The following H2BC14 variants were observed in gnomAD, a reference collection of about 807,000 sequenced individuals.
H2BC14 encodes the protein H2B clustered histone 14.
Under a neutral mutation model 6.3 loss-of-function variants are expected in H2BC14, and 17 were observed. The ratio of observed to expected loss-of-function variants is 2.70; its 90% CI spans 1.84 to 4.04. H2BC14 has a LOEUF of 4.04. Ranked by LOEUF, H2BC14 falls within the 30% of genes most tolerant of loss-of-function variation. The pLI is 0.00. For synonymous variants in H2BC14, 131 were observed against 69.0 expected, an observed-to-expected ratio of 1.90 and a Z score of -4.45; for missense variants, 235 against 165.1, an observed-to-expected ratio of 1.42 and a Z score of -2.32.
Position 27,815,415 on chromosome 6 carries a change from C to T in H2BC14, c.372C>T (p.Ser124=), listed in dbSNP as rs1760650302. The T allele has an allele frequency of 6.2e-7, 1 of 1,614,122 alleles. No individual in the cohort carries two copies. Among genetic ancestry groups the T allele is most frequent in the African/African-American group, 1.3e-5 (1 of 75,062 alleles). ...EGTKAVTKYT[S]SK ...CCAAGGCCGTCACCAAGTATACCAG[C>T]TCCAAGTGAGCCTCTCGCTGCAGTA... Residue 124 remains serine, a synonymous_variant, in exon 1 of 1, where the codon AGC becomes AGT. Coordinates refer to ENST00000621112, the MANE Select transcript of H2BC14 (RefSeq NM_003521.3).
rs1196870879 is a variant in H2BC14 at position 27,815,192 on chromosome 6, A to G, written c.149A>G (p.His50Arg). ...GTGTACAAGGTGCTGAAGCAGGTCC[A>G]CCCCGACACCGGCATCTCTTCCAAG... ...VYVYKVLKQV[H>R]PDTGISSKAM... Residue 50 changes from histidine to arginine, a missense_variant, in exon 1 of 1, where the codon CAC becomes CGC. Physicochemically the swap from His to Arg is conservative, Grantham distance 29. Coordinates refer to ENST00000621112, the MANE Select transcript of H2BC14 (RefSeq NM_003521.3). 2 of 1,614,046 alleles carry G rather than the reference A, an allele frequency of 1.2e-6. No homozygotes were observed. Among genetic ancestry groups the G allele is most frequent in the Admixed American group, 1.7e-5 (1 of 60,000 alleles).
At position 27,815,253 on chromosome 6, in the gene H2BC14, C is replaced by T. The variant is rs568809619; in HGVS notation, c.210C>T (p.Ile70=). Residue 70 remains isoleucine (I), a synonymous_variant, in exon 1 of 1, where the codon ATC becomes ATT. Transcript: ENST00000621112. ...TCATGAACTCCTTCGTCAACGACAT[C>T]TTTGAGCGTATCGCCGGAGAAGCGT... ...MGIMNSFVND[I]FERIAGEASR... 2 of 1,614,252 alleles carry T rather than the reference C, an allele frequency of 1.2e-6. No homozygotes were observed. The highest frequency in any genetic ancestry group is 1.3e-5 in the African/African-American group (1 of 75,062).
chr6:27,815,485 G>C lies in H2BC14; in HGVS notation c.*61G>C. ...CACCCCAAAGGCTCTTTTCAGAGCCGTCCACGTTTCTCAAGAAAGAGCCAG... is the reference window on the plus strand; with the variant it reads ...CACCCCAAAGGCTCTTTTCAGAGCCCTCCACGTTTCTCAAGAAAGAGCCAG... On this transcript the variant is annotated 3_prime_UTR_variant, in exon 1 of 1. Coordinates refer to ENST00000621112, the MANE Select transcript of H2BC14 (RefSeq NM_003521.3). 6.4e-7 allele frequency: 1 copy of C among 1,569,746 alleles called. No homozygotes were observed. The highest frequency in any genetic ancestry group is 8.6e-7 in the Non-Finnish European group (1 of 1,161,846).
Position 27,815,442 on chromosome 6 carries a change from C to T in H2BC14, c.*18C>T. ...CCAAGTGAGCCTCTCGCTGCAGTAA[C>T]AGTTCCGCCGTGACCCACACCCCAA... On this transcript the variant is annotated 3_prime_UTR_variant, in exon 1 of 1. Coordinates refer to ENST00000621112, the MANE Select transcript of H2BC14 (RefSeq NM_003521.3). The T allele has an allele frequency of 6.2e-7, 1 of 1,613,142 alleles. No homozygotes were observed. The highest frequency in any genetic ancestry group is 8.5e-7 in the Non-Finnish European group (1 of 1,179,638).
At position 27,815,478 on chromosome 6, in the gene H2BC14, C is replaced by T. The variant is rs540946514; in HGVS notation, c.*54C>T. On this transcript the variant is annotated 3_prime_UTR_variant, in exon 1 of 1. Coordinates refer to ENST00000621112, the MANE Select transcript of H2BC14 (RefSeq NM_003521.3). ...TGACCCACACCCCAAAGGCTCTTTTCAGAGCCGTCCACGTTTCTCAAGAAA... is the reference window on the plus strand; with the variant it reads ...TGACCCACACCCCAAAGGCTCTTTTTAGAGCCGTCCACGTTTCTCAAGAAA... The T allele has an allele frequency of 1.2e-4, 192 of 1,584,334 alleles. 1 individual carries two copies. In the South Asian group the frequency reaches 2.1e-3, roughly 18 times the overall value.
chr6:27,815,362 T>C lies in H2BC14; in HGVS notation c.319T>C (p.Leu107=), dbSNP rs1488329506. Residue 107 remains leucine (L), a synonymous_variant, in exon 1 of 1, where the codon TTG becomes CTG. Transcript: ENST00000621112. The part of the protein sequence containing the change: ...TAVRLLLPGE[L]AKHAVSEGTK... ...CGTGCGCCTACTGCTACCCGGGGAA[T>C]TGGCCAAGCACGCCGTGTCCGAGGG... 5 of 1,614,122 alleles carry C rather than the reference T, an allele frequency of 3.1e-6. No homozygotes were observed. The highest frequency in any genetic ancestry group is 1.1e-5 in the South Asian group (1 of 91,082).
In H2BC14 at chr6:27,815,481, A is replaced by T. The variant is rs1051668538; in HGVS notation, c.*57A>T. 1 of 1,581,830 alleles carries T rather than the reference A, an allele frequency of 6.3e-7. No individual in the cohort carries two copies. Among genetic ancestry groups the T allele is most frequent in the African/African-American group, 1.4e-5 (1 of 73,396 alleles). Reference sequence around the variant, plus strand: ...CCCACACCCCAAAGGCTCTTTTCAGAGCCGTCCACGTTTCTCAAGAAAGAG... The same window carrying T: ...CCCACACCCCAAAGGCTCTTTTCAGTGCCGTCCACGTTTCTCAAGAAAGAG... On this transcript the variant is annotated 3_prime_UTR_variant, in exon 1 of 1. Coordinates refer to ENST00000621112, the MANE Select transcript of H2BC14 (RefSeq NM_003521.3).
rs936397965 is a variant in H2BC14 at position 27,815,451 on chromosome 6, C to T, written c.*27C>T. The T allele has an allele frequency of 2.5e-6, 4 of 1,611,592 alleles. No individual in the cohort carries two copies. Among genetic ancestry groups the T allele is most frequent in the African/African-American group, 2.7e-5 (2 of 74,804 alleles). On this transcript the variant is annotated 3_prime_UTR_variant, in exon 1 of 1. Transcript: ENST00000621112. ...CCTCTCGCTGCAGTAACAGTTCCGC[C>T]GTGACCCACACCCCAAAGGCTCTTT...
rs146702958 is a variant in H2BC14, at chr6:27,815,235, C to T, written c.192C>T (p.Asn64=). 2.5e-4 allele frequency: 409 copies of T among 1,614,148 alleles called. No homozygotes were observed. Among genetic ancestry groups the T allele is most frequent in the Non-Finnish European group, 3.3e-4 (390 of 1,180,052 alleles). ...CTTCCAAGGCTATGGGAATCATGAACTCCTTCGTCAACGACATCTTTGAGC... is the reference window on the plus strand; with the variant it reads ...CTTCCAAGGCTATGGGAATCATGAATTCCTTCGTCAACGACATCTTTGAGC... ...GISSKAMGIM[N]SFVNDIFERI... is the part of the protein sequence containing the mutation. The change falls in exon 1 of 1, where the codon AAC becomes AAT. Residue 64 remains asparagine (N), a synonymous_variant. Coordinates refer to ENST00000621112, the MANE Select transcript of H2BC14 (RefSeq NM_003521.3).
Position 27,815,063 on chromosome 6 carries a change from C to T in H2BC14, c.20C>T (p.Ser7Phe), listed in dbSNP as rs757748672. Residue 7 changes from serine (S) to phenylalanine (F), a missense_variant, in exon 1 of 1, where the codon TCT becomes TTT. Transcript: ENST00000621112. ...TCCACCATGCCTGAACCAGTCAAAT[C>T]TGCTCCAGTCCCTAAAAAAGGCTCC... MPEPVK[S>F]APVPKKGSKK... The T allele has an allele frequency of 1.9e-6, 3 of 1,611,700 alleles. No individual in the cohort carries two copies. Among genetic ancestry groups the T allele is most frequent in the Non-Finnish European group, 2.5e-6 (3 of 1,178,862 alleles).
In H2BC14 at chr6:27,815,155, T is replaced by A; in HGVS notation, c.112T>A (p.Tyr38Asn). The change falls in exon 1 of 1, where the codon TAC becomes AAC. Residue 38 changes from tyrosine to asparagine, a missense_variant. Transcript: ENST00000621112. The part of the protein sequence containing the change: ...KKRKRSRKES[Y>N]SVYVYKVLKQ... ...GCGCAAACGCAGCCGCAAGGAGAGC[T>A]ACTCTGTGTATGTGTACAAGGTGCT... The A allele has an allele frequency of 6.2e-7, 1 of 1,614,218 alleles. No individual in the cohort carries two copies. The highest frequency in any genetic ancestry group is 8.5e-7 in the Non-Finnish European group (1 of 1,180,034).
At position 27,815,033 on chromosome 6, in the gene H2BC14, T is replaced by TAA. The variant is rs761536143; in HGVS notation, c.-11_-10insAA. ...ACAGCCCTAAGGTTGTCTTTTATTT[T>TAA]GTTTTCCACCATGCCTGAACCAGTC... On this transcript the variant is annotated 5_prime_UTR_variant, in exon 1 of 1. Coordinates refer to ENST00000621112, the MANE Select transcript of H2BC14 (RefSeq NM_003521.3). The TAA allele has an allele frequency of 5.0e-5, 79 of 1,575,664 alleles. No homozygotes were observed. The highest frequency in any genetic ancestry group is 6.6e-5 in the Non-Finnish European group (77 of 1,165,824).
In H2BC14 at chr6:27,815,350, C is replaced by T. The variant is rs576930501; in HGVS notation, c.307C>T (p.Leu103=). The change falls in exon 1 of 1, where the codon CTA becomes TTA. Residue 103 remains leucine (L), a synonymous_variant. Coordinates refer to ENST00000621112, the MANE Select transcript of H2BC14 (RefSeq NM_003521.3). Reference sequence around the variant, plus strand: ...GATCCAGACGGCCGTGCGCCTACTGCTACCCGGGGAATTGGCCAAGCACGC... The same window carrying T: ...GATCCAGACGGCCGTGCGCCTACTGTTACCCGGGGAATTGGCCAAGCACGC... ...REIQTAVRLL[L]PGELAKHAVS... is the part of the protein sequence containing the mutation. The T allele has an allele frequency of 3.1e-6, 5 of 1,614,238 alleles. No homozygotes were observed. The highest frequency in any genetic ancestry group is 2.2e-5 in the East Asian group (1 of 44,890).
Position 27,815,131 on chromosome 6 carries a change from C to A in H2BC14, c.88C>A (p.Arg30Ser), listed in dbSNP as rs761877155. 6.2e-7 allele frequency: 1 copy of A among 1,614,196 alleles called. No individual in the cohort carries two copies. The highest frequency in any genetic ancestry group is 8.5e-7 in the Non-Finnish European group (1 of 1,180,042). Residue 30 changes from arginine (R) to serine (S), a missense_variant, in exon 1 of 1, where the codon CGC becomes AGC. Transcript: ENST00000621112. ...GGCTCAGAAGAAGGATGGAAAGAAGCGCAAACGCAGCCGCAAGGAGAGCTA... is the reference window on the plus strand; with the variant it reads ...GGCTCAGAAGAAGGATGGAAAGAAGAGCAAACGCAGCCGCAAGGAGAGCTA... ...NKAQKKDGKK[R>S]KRSRKESYSV...
rs937693151 is a variant in H2BC14 at position 27,815,069 on chromosome 6, C to T, written c.26C>T (p.Pro9Leu). 1.9e-6 allele frequency: 3 copies of T among 1,612,740 alleles called. No individual in the cohort carries two copies. The highest frequency in any genetic ancestry group is 2.5e-6 in the Non-Finnish European group (3 of 1,179,406). ...ATGCCTGAACCAGTCAAATCTGCTC[C>T]AGTCCCTAAAAAAGGCTCCAAGAAG... MPEPVKSA[P>L]VPKKGSKKAI... Residue 9 changes from proline to leucine, a missense_variant, in exon 1 of 1, where the codon CCA becomes CTA. Physicochemically the swap from Pro to Leu is moderately conservative, Grantham distance 98. Coordinates refer to ENST00000621112, the MANE Select transcript of H2BC14 (RefSeq NM_003521.3).
Position 27,815,383 on chromosome 6 carries a change from G to T in H2BC14, c.340G>T (p.Glu114Ter). 6.2e-7 allele frequency: 1 copy of T among 1,614,160 alleles called. No individual in the cohort carries two copies. The highest frequency in any genetic ancestry group is 8.5e-7 in the Non-Finnish European group (1 of 1,180,030). Residue 114 changes from glutamate to a stop codon, truncating the protein, a stop_gained, in exon 1 of 1, where the codon GAG becomes TAG. Coordinates refer to ENST00000621112, the MANE Select transcript of H2BC14 (RefSeq NM_003521.3). LOFTEE classifies it high-confidence loss of function. ...PGELAKHAVS[E>*]GTKAVTKYTS... ...GGAATTGGCCAAGCACGCCGTGTCC[G>T]AGGGCACCAAGGCCGTCACCAAGTA...
In H2BC14 at chr6:27,815,210, C is replaced by T. The variant is rs1274587586; in HGVS notation, c.167C>T (p.Ser56Phe). 8.7e-6 allele frequency: 14 copies of T among 1,614,142 alleles called. No homozygotes were observed. Among genetic ancestry groups the T allele is most frequent in the East Asian group, 2.2e-5 (1 of 44,898 alleles). ...LKQVHPDTGI[S>F]SKAMGIMNSF... ...CAGGTCCACCCCGACACCGGCATCTCTTCCAAGGCTATGGGAATCATGAAC... is the reference window on the plus strand; with the variant it reads ...CAGGTCCACCCCGACACCGGCATCTTTTCCAAGGCTATGGGAATCATGAAC... Residue 56 changes from serine (S) to phenylalanine (F), a missense_variant, in exon 1 of 1, where the codon TCT (serine) becomes TTT (phenylalanine). Coordinates refer to ENST00000621112, the MANE Select transcript of H2BC14 (RefSeq NM_003521.3).
chr6:27,815,103 C>G lies in H2BC14; in HGVS notation c.60C>G (p.Asn20Lys), dbSNP rs777382677. ...VPKKGSKKAI[N>K]KAQKKDGKKR... is the part of the protein sequence containing the mutation. ...AAAAAGGCTCCAAGAAGGCCATTAA[C>G]AAGGCTCAGAAGAAGGATGGAAAGA... The change falls in exon 1 of 1, where the codon AAC (asparagine) becomes AAG (lysine). Residue 20 changes from asparagine to lysine, a missense_variant. Transcript: ENST00000621112. The G allele has an allele frequency of 6.2e-7, 1 of 1,614,112 alleles. No individual in the cohort carries two copies. Among genetic ancestry groups the G allele is most frequent in the Admixed American group, 1.7e-5 (1 of 60,008 alleles).
At position 27,815,111 on chromosome 6, in the gene H2BC14, A is replaced by T; in HGVS notation, c.68A>T (p.Gln23Leu). 7 of 1,614,036 alleles carry T rather than the reference A, an allele frequency of 4.3e-6. No homozygotes were observed. Among genetic ancestry groups the T allele is most frequent in the Non-Finnish European group, 5.9e-6 (7 of 1,179,896 alleles). The change falls in exon 1 of 1, where the codon CAG becomes CTG. Residue 23 changes from glutamine to leucine, a missense_variant. By Grantham distance (113) the Gln-to-Leu change is moderately radical. Coordinates refer to ENST00000621112, the MANE Select transcript of H2BC14 (RefSeq NM_003521.3). The stretch of plus-strand genomic sequence containing the variant: ...TCCAAGAAGGCCATTAACAAGGCTC[A>T]GAAGAAGGATGGAAAGAAGCGCAAA... Reference protein sequence around the residue: ...KGSKKAINKAQKKDGKKRKRS... With the variant: ...KGSKKAINKALKKDGKKRKRS...
Sources: gnomAD v4.1 joint callset for allele counts on GRCh38, gnomAD v4.1.1 for gene constraint, MANE v1.5 for transcripts, NCBI Gene and HGNC (gene_info 2026-07-23, HGNC 2026-07-21) for gene names.